SH3RF1: variants seen among roughly 807,000 people sequenced by gnomAD.
SH3RF1 encodes SH3 domain containing ring finger 1, also known as E3 ubiquitin-protein ligase SH3RF1.
Under a neutral mutation model 74.0 loss-of-function variants are expected in SH3RF1, and 32 were observed. The ratio of observed to expected loss-of-function variants is 0.43; its 90% confidence interval spans 0.33 to 0.58. The LOEUF (loss-of-function observed/expected upper bound fraction) is 0.58. Among genes scored for constraint, SH3RF1 ranks in the 20% least tolerant of loss-of-function variants. SH3RF1 has a pLI of 0.05. For synonymous variants in SH3RF1, 396 were observed against 439.6 expected (o/e 0.90, Z 1.24); for missense variants, 954 against 1,130.9 (o/e 0.84, Z 2.24).
chr4:169,155,343 G>C (rs934485914), intron 4 of SH3RF1, 137 bp downstream of exon 4: 2 of 621,802 alleles, frequency 3.2e-6, no homozygotes, highest in South Asian at 2.0e-5. Flanking sequence ...AATTCTTCCT[G>C]ATCTGTCCAG....
chr4:169,150,362 T>A (rs1311270962), intron 4 of SH3RF1, among the ~76,000 whole-genome samples: 1 of 152,196 alleles, frequency 6.6e-6, no homozygotes, highest in Non-Finnish European at 1.5e-5. Context: ...ATTTTATTTT[T>A]TAAATTGACA....
At chr4:169,123,249 G>A (rs1474388783) in intron 6 of SH3RF1, among the ~76,000 whole-genome samples, 1 of 152,000 alleles carries the variant, frequency 6.6e-6, no homozygotes, top group African/African-American at 2.4e-5. Context: ...TCTGTTTTTT[G>A]GAATAAAAAT....
chr4:169,241,781 T>G (rs1433224464), intron 2 of SH3RF1, among the ~76,000 whole-genome samples: 1 of 152,214 alleles, frequency 6.6e-6, no homozygotes, highest in Admixed American at 6.5e-5. Flanking sequence ...CTGCACTTCT[T>G]GGGAAATGGG....
At chr4:169,194,139 G>A (rs1336610234) in intron 2 of SH3RF1, among the ~76,000 whole-genome samples, 1 of 152,074 alleles carries the variant, frequency 6.6e-6, no homozygotes, top group African/African-American at 2.4e-5. Flanking sequence ...TGAAGTTCAG[G>A]TAGTCGTCAT....
At chr4:169,202,456 T>C (rs776310148) in intron 2 of SH3RF1, among the ~76,000 whole-genome samples, 12 of 152,198 alleles carry the variant, frequency 7.9e-5, no homozygotes, top group Non-Finnish European at 1.6e-4. Flanking sequence ...TGGGCAGCAC[T>C]GTTTCAATTT....
At chr4:169,124,982 ACT>A (rs779905337) in intron 6 of SH3RF1, among the ~76,000 whole-genome samples, 16 of 139,140 alleles carry the variant, frequency 1.1e-4, no homozygotes, top group Non-Finnish European at 1.6e-4. Context: ...CCAAGTATAC[ACT>A]CTCTACTACA....
At chr4:169,241,209 G>A (rs1049983293) in intron 2 of SH3RF1, among the ~76,000 whole-genome samples, 1 of 152,154 alleles carries the variant, frequency 6.6e-6, no homozygotes, top group Non-Finnish European at 1.5e-5. Flanking sequence ...CAGCCTGGGC[G>A]ACAGAGCGAG....
chr4:169,204,259 C>T (rs1439920625), intron 2 of SH3RF1, among the ~76,000 whole-genome samples: 3 of 150,280 alleles, frequency 2.0e-5, no homozygotes, highest in Non-Finnish European at 3.0e-5. Context: ...CTGTAGTTTA[C>T]GTTTCAGGTG....
intron 6 of SH3RF1, among the ~76,000 whole-genome samples, chr4:169,128,056 G>T (rs1200832909): frequency 6.6e-6 from 1 of 152,212 alleles, no homozygotes; most frequent in Non-Finnish European, 1.5e-5. Flanking sequence ...TTGGATTTCA[G>T]ATTTGAGATG....
intron 2 of SH3RF1, among the ~76,000 whole-genome samples, chr4:169,187,369 T>A (rs1415554720): frequency 2.0e-5 from 3 of 152,228 alleles, no homozygotes; most frequent in South Asian, 2.1e-4. Context: ...ATTTTTTAAC[T>A]TTTTGTGGAG....
Position 169,130,101 on chromosome 4 carries a change from G to T in SH3RF1, c.1124C>A (p.Thr375Lys), listed in dbSNP as rs761576669. The change falls in exon 6 of 12, where the codon ACA (threonine) becomes AAA (lysine). Residue 375 changes from threonine to lysine, a missense_variant. Around this residue, in one of 3 missense-constraint regions of SH3RF1, gnomAD observed 854 missense variants for 962.5 expected, o/e 0.89. Coordinates refer to ENST00000284637, the MANE Select transcript of SH3RF1 (RefSeq NM_020870.4). ...IVTPPPSSPV[T>K]TGPSFTFPSD... ...TGGGAAAGTAAACGAGGGGCCAGTT[G>T]TCACTGGGCTGCTTGGGGGCGGGGT... is the stretch of plus-strand genomic sequence containing the variant. 4 of 1,612,076 alleles carry T rather than the reference G, an allele frequency of 2.5e-6. No individual in the cohort carries two copies. Among genetic ancestry groups the T allele is most frequent in the Admixed American group, 1.7e-5 (1 of 59,576 alleles).
At chr4:169,162,596 C>T (rs1734167191) in intron 2 of SH3RF1, among the ~76,000 whole-genome samples, 1 of 152,192 alleles carries the variant, frequency 6.6e-6, no homozygotes, top group Admixed American at 6.5e-5. Flanking sequence ...TCTAATCATA[C>T]TAACTTTAAT....
intron 4 of SH3RF1, among the ~76,000 whole-genome samples, chr4:169,145,424 G>C (rs1342361610): frequency 6.6e-6 from 1 of 151,976 alleles, no homozygotes; most frequent in East Asian, 1.9e-4. Context: ...GAAGATGAGA[G>C]GCAGGTGAAG....
intron 11 of SH3RF1, 34 bp downstream of exon 11, chr4:169,106,813 T>C: frequency 6.8e-7 from 1 of 1,477,826 alleles, no homozygotes; most frequent in Non-Finnish European, 9.1e-7. Context: ...ATTGTTCATT[T>C]TTTAGTTTTT....
rs1455372177 is a variant in SH3RF1, at chr4:169,268,989, C to G, written c.224G>C (p.Gly75Ala). ...AGGTTTCCAAGGCCTCTGTTTGATG[C>G]CATCCAGAAGTCTGACCAGCAAGAT... ...SNILLVRLLDGIKQRPWKPGP... is the reference protein window; with the variant it reads ...SNILLVRLLDAIKQRPWKPGP... The change falls in exon 2 of 12, where the codon GGC becomes GCC. Residue 75 changes from glycine to alanine, a missense_variant. Gly to Ala is a moderately conservative substitution (Grantham distance 60). Coordinates refer to ENST00000284637, the MANE Select transcript of SH3RF1 (RefSeq NM_020870.4). The G allele has an allele frequency of 1.9e-6, 3 of 1,614,014 alleles. No homozygotes were observed. In the African/African-American group the frequency reaches 4.0e-5, roughly 22 times the overall value.
In SH3RF1 at chr4:169,106,886, C is replaced by G; in HGVS notation, c.2459G>C (p.Gly820Ala). 1 of 1,612,472 alleles carries G rather than the reference C, an allele frequency of 6.2e-7. No individual in the cohort carries two copies. Among genetic ancestry groups the G allele is most frequent in the African/African-American group, 1.3e-5 (1 of 75,026 alleles). ...AGGTCTAGACTCATTCAAGACAGGA[C>G]CCAGGGAGGAACAGGCCTGGCGAGG... ...PPPRQACSSL[G>A]PVLNESRPVV... The change falls in exon 11 of 12, where the codon GGT becomes GCT. Residue 820 changes from glycine to alanine, a missense_variant. Around this residue, in one of 3 missense-constraint regions of SH3RF1, gnomAD observed 854 missense variants for 962.5 expected, o/e 0.89. Transcript: ENST00000284637.
intron 2 of SH3RF1, among the ~76,000 whole-genome samples, chr4:169,158,963 T>C (rs1455846991): frequency 6.6e-6 from 1 of 152,210 alleles, no homozygotes; most frequent in African/African-American, 2.4e-5. Context: ...GATGTTGTAG[T>C]TGGTTAATTA....
chr4:169,192,715 C>CA (rs1734741996), intron 2 of SH3RF1, among the ~76,000 whole-genome samples: 1 of 151,330 alleles, frequency 6.6e-6, no homozygotes, highest in Non-Finnish European at 1.5e-5. Context: ...TTCGCAATTG[C>CA]AAAAACGTGA....
At chr4:169,102,059 T>C (rs1181451631) in intron 11 of SH3RF1, among the ~76,000 whole-genome samples, 1 of 152,204 alleles carries the variant, frequency 6.6e-6, no homozygotes, top group Non-Finnish European at 1.5e-5. Context: ...TAATCGCCCC[T>C]GGTATAGCCC....
Sources: allele counts gnomAD v4.1 joint callset (sites outside exome capture counted in the v4.1 genomes callset), GRCh38; gene constraint gnomAD v4.1.1; regional missense constraint gnomAD v4.1.1; transcripts MANE v1.5; gene names NCBI Gene and HGNC (gene_info 2026-07-23, HGNC 2026-07-21).